Variants in NPAS3 observed in about 807,000 individuals in gnomAD.
The protein encoded by NPAS3 is neuronal PAS domain-containing protein 3.
A neutral mutation model predicts 73.1 loss-of-function variants in NPAS3; 14 were observed. The observed-to-expected ratio is 0.19, with a 90% CI of 0.13 to 0.30. The LOEUF (loss-of-function observed/expected upper bound fraction) is 0.30, where lower values mean the gene tolerates loss of function less well. Ranked by LOEUF, NPAS3 falls within the 10% of genes least tolerant of loss-of-function variation. The probability of loss-of-function intolerance (pLI) is 1.00; values close to 1 mark genes in which losing one functional copy is unlikely to be tolerated. For synonymous variants in NPAS3, 620 were observed against 541.5 expected (o/e 1.14, Z -2.01); for missense variants, 1,096 against 1,250.0 (o/e 0.88, Z 1.86).
chr14:33,686,536 G>A (rs1373444645), intron 6 of NPAS3, among the ~76,000 whole-genome samples: 1 of 152,150 alleles, frequency 6.6e-6, no homozygotes, highest in Non-Finnish European at 1.5e-5. Context: ...CTCACCACGT[G>A]TCAGGCACTT....
At chr14:33,314,577 GA>G (rs1231081392) in intron 3 of NPAS3, among the ~76,000 whole-genome samples, 3 of 151,796 alleles carry the variant, frequency 2.0e-5, no homozygotes, top group South Asian at 2.1e-4. Flanking sequence ...GAATACATGG[GA>G]AAAAATACTC....
At chr14:33,184,307 G>A (rs535266946) in intron 2 of NPAS3, among the ~76,000 whole-genome samples, 2 of 152,278 alleles carry the variant, frequency 1.3e-5, no homozygotes, top group African/African-American at 2.4e-5. Flanking sequence ...GATGATGCTA[G>A]CAGGAGAGGC....
intron 4 of NPAS3, among the ~76,000 whole-genome samples, chr14:33,447,397 C>T (rs1364015723): frequency 1.3e-5 from 2 of 152,022 alleles, no homozygotes; most frequent in Admixed American, 6.6e-5. Flanking sequence ...GGCGCACGCA[C>T]GCATTTGTAG....
intron 3 of NPAS3, among the ~76,000 whole-genome samples, chr14:33,218,711 T>C (rs536018778): frequency 2.6e-5 from 4 of 152,340 alleles, no homozygotes; most frequent in African/African-American, 7.2e-5. Flanking sequence ...TGTGATGAGT[T>C]GATCATGTTA....
chr14:32,963,405 A>T (rs1288118457), intron 1 of NPAS3, among the ~76,000 whole-genome samples: 1 of 152,216 alleles, frequency 6.6e-6, no homozygotes, highest in Non-Finnish European at 1.5e-5. Context: ...TGGGGGAAAA[A>T]AGAAGGGAAA....
At chr14:33,778,241 T>C (rs1178604605) in intron 8 of NPAS3, among the ~76,000 whole-genome samples, 2 of 152,232 alleles carry the variant, frequency 1.3e-5, no homozygotes, top group Non-Finnish European at 2.9e-5. Flanking sequence ...ACCTATCTAA[T>C]TGTTGAAACA....
chr14:33,295,494 CT>C (rs2042260097), intron 3 of NPAS3, among the ~76,000 whole-genome samples: 1 of 152,150 alleles, frequency 6.6e-6, no homozygotes, highest in Non-Finnish European at 1.5e-5. Flanking sequence ...GCAAATCATA[CT>C]CCTCAAGTTA....
intron 5 of NPAS3, among the ~76,000 whole-genome samples, chr14:33,621,743 A>C (rs1407062287): frequency 6.6e-6 from 1 of 152,222 alleles, no homozygotes. Flanking sequence ...AACCTAAATA[A>C]GCAAACTACA....
intron 1 of NPAS3, among the ~76,000 whole-genome samples, chr14:32,998,203 G>T (rs1176049494): frequency 6.6e-6 from 1 of 152,182 alleles, no homozygotes; most frequent in Non-Finnish European, 1.5e-5. Context: ...GCAATAAAAA[G>T]GTATGAAGTA....
intron 7 of NPAS3, among the ~76,000 whole-genome samples, chr14:33,745,091 T>A (rs964432734): frequency 6.6e-6 from 1 of 151,096 alleles, no homozygotes; most frequent in Admixed American, 6.6e-5. Context: ...AATACAAAAA[T>A]AAAAATACTT....
intron 3 of NPAS3, among the ~76,000 whole-genome samples, chr14:33,222,513 C>T (rs1323108017): frequency 6.6e-6 from 1 of 152,144 alleles, no homozygotes; most frequent in Non-Finnish European, 1.5e-5. Context: ...TCTGCTTCCC[C>T]AGAGCATTAG....
At chr14:33,718,755 T>C (rs1566462704) in intron 6 of NPAS3, among the ~76,000 whole-genome samples, 2 of 152,152 alleles carry the variant, frequency 1.3e-5, no homozygotes, top group Non-Finnish European at 2.9e-5. Flanking sequence ...CTCCCGAAGT[T>C]AGGCAAGTCA....
intron 6 of NPAS3, among the ~76,000 whole-genome samples, chr14:33,727,080 C>T (rs2061288068): frequency 6.6e-6 from 1 of 152,102 alleles, no homozygotes; most frequent in South Asian, 2.1e-4. Flanking sequence ...AACCAGACTC[C>T]TCTATCTAAC....
chr14:33,800,389 G>T lies in NPAS3; in HGVS notation c.2082G>T (p.Pro694=). 1 of 1,606,054 alleles carries T rather than the reference G, an allele frequency of 6.2e-7. No individual in the cohort carries two copies. The highest frequency in any genetic ancestry group is 8.5e-7 in the Non-Finnish European group (1 of 1,177,656). The change falls in exon 12 of 12, where the codon CCG becomes CCT. Residue 694 remains proline, a synonymous_variant. Coordinates refer to ENST00000356141, the Ensembl canonical transcript of NPAS3. This position sits in a 1 kb window ranked among gnomAD's most constrained non-coding sequence, Gnocchi z 6.5. Reference sequence around the variant, plus strand: ...CCAGCTCTGAGCACTTCCCGTCCCCGCAGGGCGGCGGCGGTGGGGGTGGCG... The same window carrying T: ...CCAGCTCTGAGCACTTCCCGTCCCCTCAGGGCGGCGGCGGTGGGGGTGGCG...
chr14:33,224,646 TAA>T (rs2139732092), intron 3 of NPAS3, among the ~76,000 whole-genome samples: 1 of 152,256 alleles, frequency 6.6e-6, no homozygotes, highest in East Asian at 1.9e-4. Context: ...TCTTCCATAA[TAA>T]AGAGACTTTT....
At position 33,168,773 on chromosome 14, in the gene NPAS3, A is replaced by G. The variant is rs574330555; in HGVS notation, c.141-46409A>G. ...TCTTCCCCTCTTCCTTCTGCCATTC[A>G]CGTTGGCCTTCCTCCTGTTCTGTCC... On this transcript the variant is annotated intron_variant, in intron 2 of 11. Transcript: ENST00000356141. Among the ~76,000 whole-genome samples the G allele has an allele frequency of 2.2e-3, 339 of 151,964 alleles. 1 individual carries two copies. Among genetic ancestry groups the G allele is most frequent in the African/African-American group, 7.6e-3 (316 of 41,410 alleles).
intron 2 of NPAS3, among the ~76,000 whole-genome samples, chr14:33,101,957 C>T (rs1595451529): frequency 6.6e-6 from 1 of 152,258 alleles, no homozygotes; most frequent in East Asian, 1.9e-4. Flanking sequence ...CTTGTAACTC[C>T]TGTCCCCCAC....
intron 3 of NPAS3, among the ~76,000 whole-genome samples, chr14:33,227,309 C>T (rs1217283675): frequency 6.6e-6 from 1 of 152,174 alleles, no homozygotes; most frequent in East Asian, 1.9e-4. Flanking sequence ...ACTCAACCTC[C>T]TTGTTGTGAG....
intron 4 of NPAS3, among the ~76,000 whole-genome samples, chr14:33,428,008 T>C (rs1388124274): frequency 6.6e-6 from 1 of 152,108 alleles, no homozygotes; most frequent in Non-Finnish European, 1.5e-5. Flanking sequence ...GTTATAGTGG[T>C]AGTTTGTGTC....
Sources: gnomAD v4.1 joint callset for allele counts (sites outside exome capture counted in the v4.1 genomes callset) on GRCh38, gnomAD v4.1.1 for gene constraint, Gnocchi (gnomAD v3.1) non-coding constraint, MANE v1.5 for transcripts, NCBI Gene and HGNC (gene_info 2026-07-23, HGNC 2026-07-21) for gene names.